The following ITK variants were observed in gnomAD, a reference collection of about 807,000 sequenced individuals.
The protein encoded by ITK is tyrosine-protein kinase ITK/TSK.
Under a neutral mutation model 87.6 loss-of-function variants are expected in ITK, and 45 were observed. The observed-to-expected ratio is 0.51, with a 90% CI of 0.40 to 0.66. The LOEUF (loss-of-function observed/expected upper bound fraction) is 0.66, where lower values mean the gene tolerates loss of function less well. Among genes scored for constraint, ITK ranks in the 30% least tolerant of loss-of-function variants. ITK has a pLI of 0.00. For synonymous variants in ITK, 303 were observed against 273.6 expected (o/e 1.11, Z -1.06); for missense variants, 605 against 766.3 (o/e 0.79, Z 2.48).
In ITK at chr5:157,244,434, G is replaced by A. The variant is rs1580908718; in HGVS notation, c.1405G>A (p.Gly469Ser). Residue 469 changes from glycine (G) to serine (S), a missense_variant, in exon 13 of 17, where the codon GGC becomes AGC. Physicochemically the swap from Gly to Ser is moderately conservative, Grantham distance 56 (BLOSUM62 0). Coordinates refer to ENST00000422843, the MANE Select transcript of ITK (RefSeq NM_005546.4). ...LLGMCLDVCE[G>S]MAYLEEACVI... ...GGGCATGTGTCTGGATGTGTGTGAG[G>A]GCATGGCCTACCTGGAAGAGGCATG... 6.2e-7 allele frequency: 1 copy of A among 1,613,900 alleles called. No homozygotes were observed. Among genetic ancestry groups the A allele is most frequent in the Non-Finnish European group, 8.5e-7 (1 of 1,179,790 alleles).
intron 4 of ITK, among the ~76,000 whole-genome samples, chr5:157,217,465 G>A (rs896696805): frequency 8.5e-5 from 13 of 152,232 alleles, no homozygotes; most frequent in Middle Eastern, 3.4e-3. Context: ...GGAAGCTAGT[G>A]AGTCACTGTC....
chr5:157,220,309 G>A (rs1056529975), intron 5 of ITK, among the ~76,000 whole-genome samples: 38 of 152,228 alleles, frequency 2.5e-4, no homozygotes, highest in Admixed American at 1.7e-3. Flanking sequence ...AAACAAGGTC[G>A]TATATCACAT....
At chr5:157,220,828 A>G (rs1754399370) in intron 5 of ITK, among the ~76,000 whole-genome samples, 2 of 152,208 alleles carry the variant, frequency 1.3e-5, no homozygotes, top group Admixed American at 1.3e-4. Flanking sequence ...ACATATATAT[A>G]CACAATTTTT....
chr5:157,237,323 T>C (rs1754796734), intron 8 of ITK, among the ~76,000 whole-genome samples: 1 of 152,228 alleles, frequency 6.6e-6, no homozygotes, highest in Non-Finnish European at 1.5e-5. Flanking sequence ...TTCTCACTTA[T>C]AAGTGAGAGC....
At chr5:157,189,249 C>G (rs1007274329) in intron 1 of ITK, among the ~76,000 whole-genome samples, 1 of 152,176 alleles carries the variant, frequency 6.6e-6, no homozygotes, top group African/African-American at 2.4e-5. Flanking sequence ...TCTTTTCTCA[C>G]AATAAAATTA....
At chr5:157,198,903 C>T (rs188227989) in intron 1 of ITK, among the ~76,000 whole-genome samples, 13 of 152,208 alleles carry the variant, frequency 8.5e-5, no homozygotes, top group South Asian at 4.2e-4. Flanking sequence ...GCTGGTACTA[C>T]GGGCATGTGC....
chr5:157,211,216 C>T, intron 2 of ITK, 71 bp from the exon 3 acceptor site: 2 of 1,284,708 alleles, frequency 1.6e-6, no homozygotes. Flanking sequence ...ACTCTCGGCT[C>T]AGTAGGTCTG....
chr5:157,239,061 C>T (rs1193666535), intron 9 of ITK, among the ~76,000 whole-genome samples: 2 of 152,082 alleles, frequency 1.3e-5, no homozygotes, highest in African/African-American at 2.4e-5. Flanking sequence ...ACAGAGGGGC[C>T]GTGCCTCTAC....
chr5:157,203,596 G>A (rs1043356296), intron 1 of ITK, among the ~76,000 whole-genome samples: 8 of 152,348 alleles, frequency 5.3e-5, no homozygotes, highest in African/African-American at 1.4e-4. Flanking sequence ...CCTCAAGCTC[G>A]TGCACCCTGT....
intron 7 of ITK, among the ~76,000 whole-genome samples, chr5:157,231,256 ACT>A (rs1163188477): frequency 1.3e-5 from 2 of 151,926 alleles, no homozygotes; most frequent in African/African-American, 4.8e-5. Flanking sequence ...GCAAATCATG[ACT>A]CTCTTGCTGG....
intron 6 of ITK, among the ~76,000 whole-genome samples, 169 bp from the exon 7 acceptor site, chr5:157,228,127 C>T (rs767267696): frequency 6.6e-6 from 1 of 152,124 alleles, no homozygotes; most frequent in Non-Finnish European, 1.5e-5. Context: ...GCATGAGCCA[C>T]CGCCCCCGGC....
At chr5:157,205,729 T>C (rs1293504641) in intron 1 of ITK, among the ~76,000 whole-genome samples, 4 of 152,208 alleles carry the variant, frequency 2.6e-5, no homozygotes, top group Admixed American at 2.0e-4. Flanking sequence ...CAGTATGATG[T>C]TGGCTGTAGT....
Position 157,223,189 on chromosome 5 carries a change from T to C in ITK, c.647+175T>C, listed in dbSNP as rs1754461223. Among the ~76,000 whole-genome samples, 3 of 152,270 alleles carry C rather than the reference T, an allele frequency of 2.0e-5. 1 individual carries two copies. The highest frequency in any genetic ancestry group is 1.3e-4 in the Admixed American group (2 of 15,284). ...AAGTAGTTGAGGCTCATTTTTCCTC[T>C]TCTCAGAAGTGGCTCTGAGGCAGTC... On this transcript the variant is annotated intron_variant, in intron 6 of 16. Coordinates refer to ENST00000422843, the MANE Select transcript of ITK (RefSeq NM_005546.4).
At chr5:157,190,760 A>G (rs1753737413) in intron 1 of ITK, among the ~76,000 whole-genome samples, 1 of 152,188 alleles carries the variant, frequency 6.6e-6, no homozygotes, top group Non-Finnish European at 1.5e-5. Context: ...GGCAGAGGGA[A>G]CGGCAAGTAC....
At chr5:157,200,956 C>CA (rs371647165) in intron 1 of ITK, among the ~76,000 whole-genome samples, 54 of 151,650 alleles carry the variant, frequency 3.6e-4, no homozygotes, top group Middle Eastern at 6.8e-3. Context: ...GACTTAAGTA[C>CA]AAAAAAAACT....
At chr5:157,233,967 T>TA (rs1754724737) in intron 8 of ITK, among the ~76,000 whole-genome samples, 1 of 25,388 alleles carries the variant, frequency 3.9e-5, no homozygotes, top group Non-Finnish European at 7.5e-5. Context: ...ATATATATTT[T>TA]TTTTTTTTTT....
At chr5:157,232,067 A>G (rs1322457134) in intron 7 of ITK, among the ~76,000 whole-genome samples, 1 of 152,240 alleles carries the variant, frequency 6.6e-6, no homozygotes, top group Non-Finnish European at 1.5e-5. Flanking sequence ...AGCATCAACA[A>G]TGATCAGTAT....
At chr5:157,207,438 T>G (rs1754105363) in intron 1 of ITK, among the ~76,000 whole-genome samples, 1 of 128,916 alleles carries the variant, frequency 7.8e-6, no homozygotes, top group Admixed American at 1.0e-4. Context: ...TGGAGTGCAA[T>G]GGTGCGGTCT....
intron 2 of ITK, 128 bp from the exon 3 acceptor site, chr5:157,211,158 CT>C: frequency 1.3e-6 from 1 of 773,274 alleles, no homozygotes; most frequent in East Asian, 2.5e-5. Flanking sequence ...TACTGGCCCC[CT>C]AATTACCCAA....
Sources: gnomAD v4.1 joint callset for allele counts (sites outside exome capture counted in the v4.1 genomes callset) on GRCh38, gnomAD v4.1.1 for gene constraint, MANE v1.5 for transcripts, NCBI Gene and HGNC (gene_info 2026-07-23, HGNC 2026-07-21) for gene names.